Variants in FHAD1 observed in about 807,000 individuals in gnomAD.
FHAD1 encodes the protein forkhead-associated domain-containing protein 1.
Under a neutral mutation model 191.3 loss-of-function variants are expected in FHAD1, and 146 were observed. The observed-to-expected ratio is 0.76, with a 90% CI of 0.67 to 0.88. The LOEUF (loss-of-function observed/expected upper bound fraction) is 0.88, where lower values mean the gene tolerates loss of function less well. FHAD1 is among the 40% of genes least tolerant of loss of function. The pLI is 0.00. For missense variants in FHAD1, 1,635 were observed against 1,785.8 expected (o/e 0.92, Z 1.52); for synonymous variants, 616 against 672.3 (o/e 0.92, Z 1.29).
intron 3 of FHAD1, among the ~76,000 whole-genome samples, chr1:15,274,166 C>T (rs1022721415): frequency 2.0e-5 from 3 of 152,168 alleles, no homozygotes; most frequent in Non-Finnish European, 2.9e-5. Flanking sequence ...GGGCTCCTTC[C>T]GCCTTTTGCC....
chr1:15,283,615 C>T (rs1008982529), intron 3 of FHAD1, among the ~76,000 whole-genome samples: 3 of 152,198 alleles, frequency 2.0e-5, no homozygotes, highest in East Asian at 3.8e-4. Context: ...ATTTACTCAT[C>T]GGCTCTCATG....
At chr1:15,250,847 T>A (rs1277941600) in intron 1 of FHAD1, among the ~76,000 whole-genome samples, 1 of 152,030 alleles carries the variant, frequency 6.6e-6, no homozygotes, top group African/African-American at 2.4e-5. Flanking sequence ...TAAATATGAA[T>A]GAATGAATAA....
intron 3 of FHAD1, among the ~76,000 whole-genome samples, chr1:15,277,795 T>TGGACAAACTCAGTTCCC (rs1553238218): frequency 1.3e-5 from 2 of 152,232 alleles, no homozygotes; most frequent in Non-Finnish European, 2.9e-5. Context: ...CTGAAGTTCC[T>TGGACAAACTCAGTTCCC]GGACAAACTC....
intron 3 of FHAD1, among the ~76,000 whole-genome samples, chr1:15,275,644 A>G (rs576740120): frequency 5.1e-4 from 77 of 152,246 alleles, no homozygotes; most frequent in African/African-American, 1.8e-3. Context: ...TTCCCTTTCT[A>G]TTTGCCTGAT....
intron 4 of FHAD1, among the ~76,000 whole-genome samples, chr1:15,294,562 T>G (rs1666288470): frequency 6.6e-6 from 1 of 152,092 alleles, no homozygotes; most frequent in Non-Finnish European, 1.5e-5. Flanking sequence ...CTGGCTAATT[T>G]TTGTATTTTT....
chr1:15,292,429 G>T (rs867541251), intron 4 of FHAD1, among the ~76,000 whole-genome samples: 2 of 152,274 alleles, frequency 1.3e-5, no homozygotes, highest in Non-Finnish European at 2.9e-5. Context: ...CACCTCCCAG[G>T]TTCACACCAT....
At chr1:15,242,560 G>A (rs561773378), upstream of FHAD1, among the ~76,000 whole-genome samples, 1 of 152,278 alleles carries the variant, frequency 6.6e-6, no homozygotes, top group South Asian at 2.1e-4. Context: ...TGTCCAGCAG[G>A]TGCCACCCCA....
In FHAD1 at chr1:15,382,082, T is replaced by G; in HGVS notation, c.4077T>G (p.Asp1359Glu). ...AGTCGCAGGTGGCAAAGCTGGAGGA[T>G]GATATCTACAAAGAGGCCGAAGAGA... ...MYQSQVAKLE[D>E]DIYKEAEEKA... The change falls in exon 31 of 34, where the codon GAT becomes GAG. Residue 1359 changes from aspartate (D) to glutamate (E), a missense_variant. By Grantham distance (45) the Asp-to-Glu change is conservative (BLOSUM62 2). Transcript: ENST00000688493. 6.4e-7 allele frequency: 1 copy of G among 1,552,078 alleles called. No individual in the cohort carries two copies. Among genetic ancestry groups the G allele is most frequent in the Non-Finnish European group, 8.7e-7 (1 of 1,147,090 alleles).
chr1:15,258,990 A>G (rs1383699879), intron 2 of FHAD1, among the ~76,000 whole-genome samples: 2 of 152,190 alleles, frequency 1.3e-5, no homozygotes, highest in Non-Finnish European at 2.9e-5. Flanking sequence ...AGGAACTGCC[A>G]TACTGTTTTC....
intron 5 of FHAD1, among the ~76,000 whole-genome samples, chr1:15,297,658 T>G (rs1276602252): frequency 6.6e-6 from 1 of 152,138 alleles, no homozygotes; most frequent in African/African-American, 2.4e-5. Context: ...ATTCTATGGG[T>G]TGCCTTGGAA....
intron 18 of FHAD1, among the ~76,000 whole-genome samples, chr1:15,346,828 G>A (rs550761331): frequency 7.7e-4 from 118 of 152,304 alleles, no homozygotes; most frequent in Middle Eastern, 6.8e-3. Flanking sequence ...CAGACCTACC[G>A]CTGCCTCCCT....
intron 3 of FHAD1, among the ~76,000 whole-genome samples, chr1:15,280,321 C>A (rs2100233521): frequency 6.6e-6 from 1 of 152,230 alleles, no homozygotes; most frequent in Non-Finnish European, 1.5e-5. Flanking sequence ...TGTTACAGCT[C>A]TTGGAGGGGA....
intron 26 of FHAD1, among the ~76,000 whole-genome samples, chr1:15,372,784 C>T (rs1698491085): frequency 6.6e-6 from 1 of 152,178 alleles, no homozygotes; most frequent in Non-Finnish European, 1.5e-5. Context: ...TCTTTCTTGC[C>T]AATTTGACTG....
At chr1:15,323,957 G>A (rs1677278703) in intron 10 of FHAD1, among the ~76,000 whole-genome samples, 1 of 152,178 alleles carries the variant, frequency 6.6e-6, no homozygotes, top group African/African-American at 2.4e-5. Flanking sequence ...GCCCACGATG[G>A]GCGGCAGTTC....
intron 26 of FHAD1, among the ~76,000 whole-genome samples, chr1:15,371,654 A>G (rs982971883): frequency 6.6e-6 from 1 of 152,052 alleles, no homozygotes; most frequent in Non-Finnish European, 1.5e-5. Context: ...TGCTATACAC[A>G]GAGAGACAGA....
chr1:15,391,290 TTC>T, intron 33 of FHAD1, 27 bp downstream of exon 33: 1 of 1,269,116 alleles, frequency 7.9e-7, no homozygotes, highest in Non-Finnish European at 1.0e-6. Context: ...TCCTTTAGAA[TTC>T]TCTTTTTTTG....
In FHAD1 at chr1:15,397,437, C is replaced by A; in HGVS notation, c.*24C>A. 1.6e-6 allele frequency: 2 copies of A among 1,224,690 alleles called. No homozygotes were observed. The highest frequency in any genetic ancestry group is 1.5e-5 in the African/African-American group (1 of 66,514). The allele number at this position is 1,224,690 out of a possible 1,614,324, so 75.9% of individuals were successfully genotyped here. A position where few individuals can be genotyped will look rare whatever the true frequency, so the allele number is the denominator to read the frequency against. ...AGAGAAACCTCGTCCCACCAGGCCT[C>A]ATGTGATCCTCTGTGAGTTCATGTG... is the stretch of plus-strand genomic sequence containing the variant. On this transcript the variant is annotated 3_prime_UTR_variant, in exon 34 of 34. Coordinates refer to ENST00000688493, the MANE Select transcript of FHAD1 (RefSeq NM_001391957.1).
intron 26 of FHAD1, among the ~76,000 whole-genome samples, chr1:15,370,617 C>T (rs918098716): frequency 9.9e-5 from 15 of 152,216 alleles, no homozygotes; most frequent in African/African-American, 3.6e-4. Flanking sequence ...GTTCCATGCA[C>T]CTGCCCAGAA....
intron 3 of FHAD1, among the ~76,000 whole-genome samples, chr1:15,277,026 T>C (rs1384778095): frequency 6.6e-6 from 1 of 152,346 alleles, no homozygotes; most frequent in African/African-American, 2.4e-5. Flanking sequence ...TCTGCCATTA[T>C]GATGTTTGCT....
Sources: gnomAD v4.1 joint callset for allele counts (sites outside exome capture counted in the v4.1 genomes callset) on GRCh38, gnomAD v4.1.1 for gene constraint, MANE v1.5 for transcripts, NCBI Gene and HGNC (gene_info 2026-07-23, HGNC 2026-07-21) for gene names.